The following SEMA3A variants were observed in gnomAD, a reference collection of about 807,000 sequenced individuals.
SEMA3A encodes semaphorin-3A.
A neutral mutation model predicts 97.9 loss-of-function variants in SEMA3A; 29 were observed. The ratio of observed to expected loss-of-function variants is 0.30; its 90% CI spans 0.22 to 0.40. The LOEUF (loss-of-function observed/expected upper bound fraction) is 0.40, where lower values mean the gene tolerates loss of function less well. Among genes scored for constraint, SEMA3A ranks in the 10% least tolerant of loss-of-function variants. The pLI is 1.00. For missense variants in SEMA3A, 763 were observed against 951.3 expected (o/e 0.80, Z 2.60); for synonymous variants, 321 against 323.7 (o/e 0.99, Z 0.09).
At chr7:84,093,251 T>C (rs1196709085) in intron 4 of SEMA3A, among the ~76,000 whole-genome samples, 1 of 152,194 alleles carries the variant, frequency 6.6e-6, no homozygotes, top group African/African-American at 2.4e-5. Context: ...AGTGTTTATG[T>C]GATGTGACTC....
chr7:84,172,522 C>T (rs577676218), intron 1 of SEMA3A, among the ~76,000 whole-genome samples: 7 of 152,146 alleles, frequency 4.6e-5, no homozygotes, highest in East Asian at 1.9e-4. Context: ...CCTGGGTTCA[C>T]GCCATTCTCC....
chr7:84,382,599 C>T (rs1803290541), intron 1 of SEMA3A, among the ~76,000 whole-genome samples: 1 of 149,944 alleles, frequency 6.7e-6, no homozygotes, highest in Non-Finnish European at 1.5e-5. Flanking sequence ...TGGCTCACGC[C>T]TGTAATCCCA....
intron 6 of SEMA3A, among the ~76,000 whole-genome samples, chr7:84,044,084 T>A (rs1792249038): frequency 6.6e-6 from 1 of 152,054 alleles, no homozygotes; most frequent in Admixed American, 6.6e-5. Context: ...ACTTAGTAGA[T>A]CAAAGTCTTC....
chr7:84,172,765 T>G (rs1797431159), intron 1 of SEMA3A, among the ~76,000 whole-genome samples: 1 of 152,206 alleles, frequency 6.6e-6, no homozygotes, highest in Non-Finnish European at 1.5e-5. Context: ...TCTTCTTAGC[T>G]TGCATGCTGT....
chr7:84,351,445 T>G (rs542087506), intron 2 of SEMA3A, among the ~76,000 whole-genome samples: 1 of 152,176 alleles, frequency 6.6e-6, no homozygotes, highest in South Asian at 2.1e-4. Context: ...ATGTAAACAG[T>G]ATTTTGAAAA....
At chr7:84,258,896 GA>G (rs1799777995) in intron 3 of SEMA3A, among the ~76,000 whole-genome samples, 1 of 151,110 alleles carries the variant, frequency 6.6e-6, no homozygotes, top group African/African-American at 2.4e-5. Flanking sequence ...ATCTAAACCA[GA>G]AGGGATGATT....
intron 12 of SEMA3A, among the ~76,000 whole-genome samples, chr7:83,987,145 T>G (rs1027579213): frequency 6.6e-6 from 1 of 150,886 alleles, no homozygotes; most frequent in Non-Finnish European, 1.5e-5. Flanking sequence ...TAGATACATA[T>G]AATTAATTTT....
At chr7:84,072,887 C>T (rs1793795764) in intron 4 of SEMA3A, among the ~76,000 whole-genome samples, 1 of 152,014 alleles carries the variant, frequency 6.6e-6, no homozygotes, top group Non-Finnish European at 1.5e-5. Flanking sequence ...TATTATAATA[C>T]CTGCTTTGCA....
chr7:84,491,762 T>C (rs1438336865), intron 1 of SEMA3A, among the ~76,000 whole-genome samples: 1 of 152,170 alleles, frequency 6.6e-6, no homozygotes, highest in Non-Finnish European at 1.5e-5. Flanking sequence ...ATAAACGCAA[T>C]GTGAAGACTG....
Position 84,477,077 on chromosome 7 carries a change from T to A in SEMA3A, c.-246+15383A>T, listed in dbSNP as rs867352941. Among the ~76,000 whole-genome samples, 253 of 144,238 alleles carry A rather than the reference T, an allele frequency of 1.8e-3. 2 individuals carry two copies. The highest frequency in any genetic ancestry group is 5.2e-3 in the African/African-American group (203 of 39,288). 94.6% of individuals were successfully genotyped at this position (144,238 alleles called of 152,430 possible). A position where few individuals can be genotyped will look rare whatever the true frequency, so the allele number is the denominator to read the frequency against. ...ATGTGTTTGTTAAAAAAAAAAAATA[T>A]ATATATATATATATATTTTTCAAAA... On this transcript the variant is annotated intron_variant, in intron 1 of 3. Transcript: ENST00000424555.
chr7:84,100,869 C>A (rs1794941306), intron 4 of SEMA3A, among the ~76,000 whole-genome samples: 1 of 152,174 alleles, frequency 6.6e-6, no homozygotes, highest in South Asian at 2.1e-4. Context: ...AGTACTCTCT[C>A]AGATATATCT....
intron 1 of SEMA3A, among the ~76,000 whole-genome samples, chr7:84,171,805 C>CT (rs574647096): frequency 0.011 from 1,702 of 152,036 alleles, 37 homozygotes; most frequent in African/African-American, 0.038. Context: ...ATATTTTAAA[C>CT]TTTTTTTACT....
chr7:83,965,640 ATATATATATATATATAT>A, intron 15 of SEMA3A, among the ~76,000 whole-genome samples: 1 of 6,490 alleles, frequency 1.5e-4, no homozygotes, highest in Non-Finnish European at 2.7e-4. Context: ...ATATATATAT[ATATATATATATATATAT>A]ATATATATAT....
intron 3 of SEMA3A, among the ~76,000 whole-genome samples, chr7:84,292,218 T>A (rs931631672): frequency 1.3e-5 from 2 of 152,074 alleles, no homozygotes; most frequent in Admixed American, 6.6e-5. Flanking sequence ...TCACCTTCAA[T>A]GCCACTGCAG....
intron 3 of SEMA3A, among the ~76,000 whole-genome samples, chr7:84,303,383 T>C (rs895938055): frequency 1.3e-5 from 2 of 152,142 alleles, no homozygotes; most frequent in Admixed American, 6.6e-5. Context: ...TAGGAATTTT[T>C]AAACAGGGAA....
At chr7:84,039,394 A>T (rs1215165201) in intron 6 of SEMA3A, among the ~76,000 whole-genome samples, 1 of 152,152 alleles carries the variant, frequency 6.6e-6, no homozygotes, top group Non-Finnish European at 1.5e-5. Context: ...CATATATCGT[A>T]GGGTAAGAGG....
intron 3 of SEMA3A, among the ~76,000 whole-genome samples, chr7:84,301,585 A>T (rs1248844259): frequency 6.6e-6 from 1 of 152,124 alleles, no homozygotes; most frequent in East Asian, 1.9e-4. Flanking sequence ...TTTTGCTAGG[A>T]TGTAGAGTAG....
intron 12 of SEMA3A, among the ~76,000 whole-genome samples, chr7:83,995,192 A>C (rs1175767857): frequency 6.6e-6 from 1 of 152,000 alleles, no homozygotes; most frequent in Non-Finnish European, 1.5e-5. Flanking sequence ...CGGTGCGCTC[A>C]CCCACTGACC....
chr7:84,285,199 G>A (rs932257324), intron 3 of SEMA3A, among the ~76,000 whole-genome samples: 4 of 152,064 alleles, frequency 2.6e-5, no homozygotes, highest in Non-Finnish European at 5.9e-5. Flanking sequence ...ACTTCTCTCT[G>A]TAATAAGTCT....
Sources: gnomAD v4.1 joint callset for allele counts (sites outside exome capture counted in the v4.1 genomes callset) on GRCh38, gnomAD v4.1.1 for gene constraint, MANE v1.5 for transcripts, NCBI Gene and HGNC (gene_info 2026-07-23, HGNC 2026-07-21) for gene names.